CCNY: variants seen among roughly 807,000 people sequenced by gnomAD.
CCNY encodes the protein cyclin Y, also known as cyclin-Y.
Under a neutral mutation model 42.8 loss-of-function variants are expected in CCNY, and 19 were observed. The ratio of observed to expected loss-of-function variants is 0.44; its 90% confidence interval spans 0.31 to 0.65. The LOEUF (loss-of-function observed/expected upper bound fraction) is 0.65. Ranked by LOEUF, CCNY falls within the 30% of genes least tolerant of loss-of-function variation. The probability of loss-of-function intolerance (pLI) is 0.07; values close to 1 mark genes in which losing one functional copy is unlikely to be tolerated. For synonymous variants in CCNY, 165 were observed against 162.7 expected (o/e 1.01, Z -0.11); for missense variants, 370 against 437.3 (o/e 0.85, Z 1.37).
At chr10:35,455,897 A>C (rs112929071) in intron 1 of CCNY, among the ~76,000 whole-genome samples, 1,552 of 148,032 alleles carry the variant, frequency 0.01, 24 homozygotes, top group African/African-American at 0.037. Context: ...TAGCTCACTG[A>C]AGCCCCAAAA....
At chr10:35,257,887 G>A (rs561158550) in intron 3 of CCNY, among the ~76,000 whole-genome samples, 53 of 152,194 alleles carry the variant, frequency 3.5e-4, no homozygotes, top group African/African-American at 1.3e-3. Context: ...TCTACTTGGT[G>A]GTGTCCCACA....
intron 1 of CCNY, among the ~76,000 whole-genome samples, chr10:35,443,647 C>A (rs1481860874): frequency 6.6e-6 from 1 of 152,098 alleles, no homozygotes; most frequent in Non-Finnish European, 1.5e-5. Context: ...TACTCAAAGA[C>A]CTGTGCTAAT....
intron 1 of CCNY, among the ~76,000 whole-genome samples, chr10:35,366,946 AC>A (rs1836822141): frequency 6.6e-6 from 1 of 152,242 alleles, no homozygotes; most frequent in African/African-American, 2.4e-5. Context: ...TGAATGGTCT[AC>A]CTGGAATGCC....
chr10:35,460,659 T>C (rs1261969226), intron 1 of CCNY, among the ~76,000 whole-genome samples: 2 of 152,232 alleles, frequency 1.3e-5, no homozygotes, highest in Non-Finnish European at 2.9e-5. Flanking sequence ...ATAATCAGCA[T>C]GAAATGTTCG....
chr10:35,527,795 C>T (rs1192680722), intron 5 of CCNY, among the ~76,000 whole-genome samples: 1 of 152,158 alleles, frequency 6.6e-6, no homozygotes, highest in Non-Finnish European at 1.5e-5. Flanking sequence ...GGAGGGATGC[C>T]CGTCTGCATG....
At chr10:35,498,209 G>A (rs1195202494) in intron 2 of CCNY, among the ~76,000 whole-genome samples, 2 of 152,156 alleles carry the variant, frequency 1.3e-5, no homozygotes, top group African/African-American at 2.4e-5. Context: ...GGATTTTTAT[G>A]GAGGACCACT....
At chr10:35,351,936 TGTG>T (rs1444284952) in intron 1 of CCNY, among the ~76,000 whole-genome samples, 3 of 152,214 alleles carry the variant, frequency 2.0e-5, no homozygotes, top group Non-Finnish European at 2.9e-5. Flanking sequence ...TTAGCCATCT[TGTG>T]GTGGGAGCAG....
intron 2 of CCNY, among the ~76,000 whole-genome samples, chr10:35,494,241 C>CCT (rs141910911): frequency 2.1e-5 from 3 of 145,848 alleles, no homozygotes; most frequent in African/African-American, 5.1e-5. Flanking sequence ...GAGACCCCCC[C>CCT]CCCCATTTCT....
chr10:35,478,926 G>C (rs527755689), intron 1 of CCNY, among the ~76,000 whole-genome samples: 3 of 152,024 alleles, frequency 2.0e-5, no homozygotes, highest in South Asian at 2.1e-4. Context: ...AAAAACAACC[G>C]CATCAAAAAG....
intron 1 of CCNY, among the ~76,000 whole-genome samples, chr10:35,363,088 G>A (rs1836728089): frequency 1.3e-5 from 2 of 149,046 alleles, no homozygotes; most frequent in Non-Finnish European, 3.0e-5. Context: ...GGGCAGAGGC[G>A]CTCCTCACTT....
intron 3 of CCNY, among the ~76,000 whole-genome samples, chr10:35,282,803 G>A (rs1835313236): frequency 6.6e-6 from 1 of 151,758 alleles, no homozygotes; most frequent in African/African-American, 2.4e-5. Context: ...ATGTTGTTCT[G>A]TACTCGCAAT....
At position 35,489,058 on chromosome 10, in the gene CCNY, T is replaced by A. The variant is rs577030744; in HGVS notation, c.229+5580T>A. Among the ~76,000 whole-genome samples, 30 of 152,288 alleles carry A rather than the reference T, an allele frequency of 2.0e-4. No individual in the cohort carries two copies. In the East Asian group the frequency reaches 2.7e-3, roughly 14 times the overall value. On this transcript the variant is annotated intron_variant, in intron 2 of 9. Coordinates refer to ENST00000374704, the MANE Select transcript of CCNY (RefSeq NM_145012.6). ...ACTTTGGGAGGCTGAGGCAAGCGGA[T>A]CACGAGGTCAGGAGATCGAGACCAT...
chr10:35,500,857 TTGTTAGAGCAGTATCAATTATGGTGAC>T lies in CCNY; in HGVS notation c.230-616_230-590del, dbSNP rs531600267. Among the ~76,000 whole-genome samples the T allele has an allele frequency of 1.7e-3, 259 of 152,302 alleles. No homozygotes were observed. In the Middle Eastern group the frequency reaches 0.024, roughly 14 times the overall value. On this transcript the variant is annotated intron_variant, in intron 2 of 9. Coordinates refer to ENST00000374704, the MANE Select transcript of CCNY (RefSeq NM_145012.6). The stretch of plus-strand genomic sequence containing the variant: ...CATGCATGCAGTGTGAGAAGCCACC[TTGTTAGAGCAGTATCAATTATGGTGAC>T]TGTTAGAGCAGTATCAATTATGGTG...
intron 2 of CCNY, among the ~76,000 whole-genome samples, chr10:35,249,178 G>A (rs964489219): frequency 3.5e-4 from 53 of 152,270 alleles, no homozygotes; most frequent in African/African-American, 1.3e-3. Context: ...CTGAACTCAA[G>A]CAATCCACCT....
chr10:35,380,130 GA>G (rs1419131118), intron 1 of CCNY, among the ~76,000 whole-genome samples: 1 of 152,200 alleles, frequency 6.6e-6, no homozygotes, highest in African/African-American at 2.4e-5. Context: ...AACTCCAACA[GA>G]TACTGGGTTA....
chr10:35,513,838 G>A (rs1840370814), intron 3 of CCNY, among the ~76,000 whole-genome samples: 1 of 152,208 alleles, frequency 6.6e-6, no homozygotes, highest in African/African-American at 2.4e-5. Context: ...GCACGCACAT[G>A]TACAAGCATA....
intron 1 of CCNY, among the ~76,000 whole-genome samples, chr10:35,409,111 G>T (rs1837847706): frequency 6.6e-6 from 1 of 152,080 alleles, no homozygotes; most frequent in African/African-American, 2.4e-5. Context: ...TCCTCCAATG[G>T]CTGTTAGATT....
At position 35,481,409 on chromosome 10, in the gene CCNY, T is replaced by G. The variant is rs189805485; in HGVS notation, c.155-1995T>G. On this transcript the variant is annotated intron_variant, in intron 1 of 9. Transcript: ENST00000374704. ...AGCAGGATCTCAATTCTCCAAGAAATGACAGTCTTGTGTTATTTTGGTTCC... is the reference window on the plus strand; with the variant it reads ...AGCAGGATCTCAATTCTCCAAGAAAGGACAGTCTTGTGTTATTTTGGTTCC... Among the ~76,000 whole-genome samples the G allele has an allele frequency of 2.6e-5, 4 of 152,312 alleles. No individual in the cohort carries two copies. In the East Asian group the frequency reaches 5.8e-4, roughly 22 times the overall value.
At chr10:35,381,414 A>G (rs1262627560) in intron 1 of CCNY, among the ~76,000 whole-genome samples, 3 of 151,894 alleles carry the variant, frequency 2.0e-5, no homozygotes, top group Non-Finnish European at 4.4e-5. Context: ...ACAAAAAATT[A>G]TCTGGATGTG....
Sources: gnomAD v4.1 joint callset for allele counts (sites outside exome capture counted in the v4.1 genomes callset) on GRCh38, gnomAD v4.1.1 for gene constraint, MANE v1.5 for transcripts, NCBI Gene and HGNC (gene_info 2026-07-23, HGNC 2026-07-21) for gene names.